ADK: variants seen among roughly 807,000 people sequenced by gnomAD.
ADK encodes adenosine kinase.
A neutral mutation model predicts 44.7 loss-of-function variants in ADK; 24 were observed. That is an observed-to-expected ratio of 0.54 (90% CI 0.39 to 0.76). ADK has a LOEUF of 0.76. Among genes scored for constraint, ADK ranks in the 30% least tolerant of loss-of-function variants. ADK has a pLI of 0.00. For missense variants in ADK, 321 were observed against 425.1 expected (o/e 0.76, Z 2.15); for synonymous variants, 128 against 142.6 (o/e 0.90, Z 0.73).
At chr10:74,623,524 T>C (rs1312922030) in intron 9 of ADK, among the ~76,000 whole-genome samples, 2 of 152,070 alleles carry the variant, frequency 1.3e-5, no homozygotes, top group Non-Finnish European at 1.5e-5. Context: ...CCAAATATGC[T>C]CCAATTCTAA....
At chr10:74,270,260 G>T (rs1846376620) in intron 3 of ADK, among the ~76,000 whole-genome samples, 1 of 152,160 alleles carries the variant, frequency 6.6e-6, no homozygotes, top group Non-Finnish European at 1.5e-5. Flanking sequence ...AATGGAAACG[G>T]TTGAAAATAT....
intron 4 of ADK, among the ~76,000 whole-genome samples, chr10:74,317,563 GAAAA>G (rs11310691): frequency 7.6e-6 from 1 of 131,130 alleles, no homozygotes; most frequent in African/African-American, 2.9e-5. Flanking sequence ...CTGTCTCTAG[GAAAA>G]AAAAAAAAAA....
intron 9 of ADK, chr10:74,655,211 AGATGGACAGAGACAGGTGCATGGACAGG>A (rs1174993329): frequency 2.7e-6 from 1 of 369,796 alleles, no homozygotes; most frequent in African/African-American, 2.2e-5. Context: ...AAAGGGACAG[AGATGGACAGAGACAGGTGCATGGACAGG>A]GATGAGGCCA....
intron 10 of ADK, among the ~76,000 whole-genome samples, chr10:74,672,280 T>G (rs1358162782): frequency 6.6e-6 from 1 of 152,228 alleles, no homozygotes; most frequent in Non-Finnish European, 1.5e-5. Context: ...TTGTTTTGTT[T>G]GCTTCCTTGT....
At chr10:74,398,722 T>C (rs1283077913) in intron 6 of ADK, 143 bp downstream of exon 6, 1 of 506,080 alleles carries the variant, frequency 2.0e-6, no homozygotes, top group Non-Finnish European at 3.5e-6. Context: ...AGATTCACTA[T>C]TGTGAAAATA....
rs143602163 is a variant in ADK at position 74,231,475 on chromosome 10, G to GT, written c.194+6894dup. Among the ~76,000 whole-genome samples the GT allele has an allele frequency of 7.6e-3, 1,080 of 142,808 alleles. 2 individuals are homozygous for GT. The highest frequency in any genetic ancestry group is 0.011 in the Non-Finnish European group (713 of 64,854). The allele number at this position is 142,808 out of a possible 152,430, so 93.7% of individuals were successfully genotyped here. On this transcript the variant is annotated intron_variant, in intron 3 of 10. Coordinates refer to ENST00000539909, the MANE Select transcript of ADK (RefSeq NM_006721.4). The stretch of plus-strand genomic sequence containing the variant: ...CTCATGTAAGAAAAGTTTTTTTTTT[G>GT]TTTTTTTTTTGAGACAAGATCTAAC...
intron 2 of ADK, among the ~76,000 whole-genome samples, chr10:74,210,571 T>G (rs771371320): frequency 6.4e-4 from 97 of 151,698 alleles, no homozygotes; most frequent in Non-Finnish European, 1.1e-3. Flanking sequence ...CTGTAGTGCA[T>G]CATGATTATG....
chr10:74,339,720 A>G (rs1231539131), intron 4 of ADK, among the ~76,000 whole-genome samples: 2 of 152,242 alleles, frequency 1.3e-5, no homozygotes, highest in Admixed American at 1.3e-4. Context: ...AAGTGTGCAA[A>G]TAAATTATTC....
At chr10:74,351,520 C>T (rs888435336) in intron 4 of ADK, among the ~76,000 whole-genome samples, 14 of 152,114 alleles carry the variant, frequency 9.2e-5, no homozygotes, top group African/African-American at 3.4e-4. Context: ...GACAAGGATG[C>T]CCTCTCTCAC....
intron 3 of ADK, among the ~76,000 whole-genome samples, chr10:74,286,936 C>G (rs918294305): frequency 6.6e-6 from 1 of 152,160 alleles, no homozygotes; most frequent in Non-Finnish European, 1.5e-5. Flanking sequence ...ATCCTCCCAC[C>G]TCAGCCTCTT....
At chr10:74,566,054 T>C (rs1036554309) in intron 7 of ADK, among the ~76,000 whole-genome samples, 13 of 152,124 alleles carry the variant, frequency 8.5e-5, no homozygotes, top group Non-Finnish European at 1.3e-4. Flanking sequence ...AATAAGACAA[T>C]GCATGATACA....
chr10:74,242,965 C>T lies in ADK; in HGVS notation c.194+18374C>T, dbSNP rs565393646. ...CAGTAAAATTCTCCACCTTCACCAT[C>T]CTTCAAGTGTCTGCATCACTTCCTT... On this transcript the variant is annotated intron_variant, in intron 3 of 10. Transcript: ENST00000539909. Among the ~76,000 whole-genome samples the T allele has an allele frequency of 6.6e-5, 10 of 152,340 alleles. No individual in the cohort carries two copies. The East Asian group carries it at 1.9e-3, about 29-fold the overall frequency.
At chr10:74,201,940 G>T (rs147549107) in intron 2 of ADK, among the ~76,000 whole-genome samples, 2 of 151,838 alleles carry the variant, frequency 1.3e-5, no homozygotes, top group African/African-American at 2.4e-5. Context: ...AATTTATATC[G>T]CATAAAATTG....
chr10:74,197,885 A>G (rs1843218892), intron 1 of ADK, among the ~76,000 whole-genome samples: 2 of 152,190 alleles, frequency 1.3e-5, no homozygotes, highest in South Asian at 4.1e-4. Context: ...CTTCTTAAAA[A>G]GAGGTGTAAC....
In ADK at chr10:74,303,590, T is replaced by G. The variant is rs201422055; in HGVS notation, c.195-11077T>G. Among the ~76,000 whole-genome samples, 38 of 105,092 alleles carry G rather than the reference T, an allele frequency of 3.6e-4. No homozygotes were observed. In the East Asian group the frequency reaches 6.4e-3, roughly 18 times the overall value. 68.9% of individuals were successfully genotyped at this position (105,092 alleles called of 152,430 possible). Reference sequence around the variant, plus strand: ...CTTTTCATATTGGTTTTAATGTTGTTTTTTTTTTTTTTTTTTTTTTTTTTG... The same window carrying G: ...CTTTTCATATTGGTTTTAATGTTGTGTTTTTTTTTTTTTTTTTTTTTTTTG... On this transcript the variant is annotated intron_variant, in intron 3 of 10. Transcript: ENST00000539909.
intron 6 of ADK, among the ~76,000 whole-genome samples, chr10:74,411,730 G>C (rs191123447): frequency 6.6e-6 from 1 of 152,262 alleles, no homozygotes; most frequent in East Asian, 1.9e-4. Context: ...CACATCAATT[G>C]ACTCTTCTTT....
At chr10:74,579,675 A>G (rs1851312112) in intron 7 of ADK, among the ~76,000 whole-genome samples, 1 of 152,246 alleles carries the variant, frequency 6.6e-6, no homozygotes, top group African/African-American at 2.4e-5. Context: ...CAAGGTGGCT[A>G]GAATTTGCAT....
intron 6 of ADK, among the ~76,000 whole-genome samples, chr10:74,426,254 G>A (rs542426100): frequency 2.0e-4 from 30 of 152,194 alleles, no homozygotes; most frequent in Non-Finnish European, 3.8e-4. Context: ...GCACACATAG[G>A]AGTTAGTATA....
intron 6 of ADK, among the ~76,000 whole-genome samples, chr10:74,504,964 A>G (rs749716790): frequency 2.6e-5 from 4 of 152,072 alleles, no homozygotes; most frequent in Admixed American, 6.6e-5. Context: ...ACGGACTAAT[A>G]CATTTATTGT....
Sources: allele counts gnomAD v4.1 joint callset (sites outside exome capture counted in the v4.1 genomes callset), GRCh38; gene constraint gnomAD v4.1.1; transcripts MANE v1.5; gene names NCBI Gene and HGNC (gene_info 2026-07-23, HGNC 2026-07-21).